The following FLRT2 variants were observed in gnomAD, a reference collection of about 807,000 sequenced individuals.
The protein encoded by FLRT2 is leucine-rich repeat transmembrane protein FLRT2.
FLRT2 carries 15 observed loss-of-function variants against 40.0 expected under a neutral mutation model. The ratio of observed to expected loss-of-function variants is 0.38; its 90% CI spans 0.25 to 0.58. The LOEUF (loss-of-function observed/expected upper bound fraction) is 0.58, where lower values mean the gene tolerates loss of function less well. Among genes scored for constraint, FLRT2 ranks in the 20% least tolerant of loss-of-function variants. The pLI, the probability that FLRT2 is intolerant of heterozygous loss-of-function variation, is 0.71. For synonymous variants in FLRT2, 380 were observed against 336.8 expected (o/e 1.13, Z -1.41); for missense variants, 726 against 840.0 (o/e 0.86, Z 1.68).
intron 1 of FLRT2, among the ~76,000 whole-genome samples, chr14:85,543,769 A>T (rs973182182): frequency 6.6e-6 from 1 of 152,048 alleles, no homozygotes; most frequent in Non-Finnish European, 1.5e-5. Context: ...ACATTATCGC[A>T]TACTCTCCAT....
intron 1 of FLRT2, among the ~76,000 whole-genome samples, chr14:85,603,306 A>G (rs1055532361): frequency 1.3e-5 from 2 of 152,164 alleles, no homozygotes; most frequent in Non-Finnish European, 2.9e-5. Flanking sequence ...GTCTATGGGA[A>G]AGAGGAAAGT....
At chr14:85,577,496 A>G (rs190142563) in intron 1 of FLRT2, among the ~76,000 whole-genome samples, 1 of 152,222 alleles carries the variant, frequency 6.6e-6, no homozygotes, top group Admixed American at 6.5e-5. Flanking sequence ...CTCCCTTTCA[A>G]GACTCTGTTT....
chr14:85,530,860 A>G (rs1888230450), intron 1 of FLRT2, among the ~76,000 whole-genome samples: 1 of 152,108 alleles, frequency 6.6e-6, no homozygotes, highest in African/African-American at 2.4e-5. Context: ...TAACCTTGTC[A>G]GAGTTCAGTC....
At chr14:85,600,121 A>C (rs1338437259) in intron 1 of FLRT2, among the ~76,000 whole-genome samples, 1 of 152,242 alleles carries the variant, frequency 6.6e-6, no homozygotes, top group Non-Finnish European at 1.5e-5. Context: ...TTGTAAAAGA[A>C]GAATTGACCT....
At chr14:85,533,205 G>T (rs962093650) in intron 1 of FLRT2, among the ~76,000 whole-genome samples, 1 of 152,134 alleles carries the variant, frequency 6.6e-6, no homozygotes, top group African/African-American at 2.4e-5. Flanking sequence ...GCGCCAGAGC[G>T]CGAGGGACGG....
chr14:85,563,821 A>C (rs921535806), intron 1 of FLRT2, among the ~76,000 whole-genome samples: 4 of 152,110 alleles, frequency 2.6e-5, no homozygotes, highest in African/African-American at 9.7e-5. Flanking sequence ...AAAATAGATA[A>C]AGTTGACTTT....
chr14:85,578,515 G>A (rs1000811398), intron 1 of FLRT2, among the ~76,000 whole-genome samples: 4 of 152,120 alleles, frequency 2.6e-5, no homozygotes, highest in Non-Finnish European at 4.4e-5. Flanking sequence ...GCTAAGTGCT[G>A]TCTCGGAGAA....
chr14:85,571,713 A>G (rs1890899438), intron 1 of FLRT2, among the ~76,000 whole-genome samples: 1 of 152,196 alleles, frequency 6.6e-6, no homozygotes, highest in Non-Finnish European at 1.5e-5. Context: ...TTTGATATCC[A>G]AAGAACACAG....
chr14:85,558,061 A>G (rs1890084225), intron 1 of FLRT2, among the ~76,000 whole-genome samples: 1 of 152,158 alleles, frequency 6.6e-6, no homozygotes. Flanking sequence ...CTTCCGCAGA[A>G]AGCATCCGTA....
At chr14:85,605,439 G>C (rs1265542653) in intron 1 of FLRT2, among the ~76,000 whole-genome samples, 3 of 152,268 alleles carry the variant, frequency 2.0e-5, no homozygotes, top group Admixed American at 6.5e-5. Context: ...AATTGGGACA[G>C]TTACTTCAGT....
intron 1 of FLRT2, among the ~76,000 whole-genome samples, chr14:85,549,779 A>G (rs185932127): frequency 6.6e-6 from 1 of 151,404 alleles, no homozygotes; most frequent in Admixed American, 6.6e-5. Flanking sequence ...CCAATGTAAA[A>G]TGATATGAAT....
Position 85,629,173 on chromosome 14 carries a change from T to C in FLRT2, c.*5676T>C, listed in dbSNP as rs1893805167. 1 of 152,184 alleles carries C rather than the reference T, an allele frequency of 6.6e-6. No homozygotes were observed. Among genetic ancestry groups the C allele is most frequent in the African/African-American group, 2.4e-5 (1 of 41,444 alleles). The allele number at this position is 152,184 out of a possible 1,614,324, so 9.4% of individuals were successfully genotyped here. On this transcript the variant is annotated 3_prime_UTR_variant, in exon 2 of 2. Transcript: ENST00000330753. ...AGTGTCTCAGAGCCTGCATAATCAC[T>C]TTATACTACTTCATTAAATTGACAG...
intron 1 of FLRT2, among the ~76,000 whole-genome samples, chr14:85,539,943 T>G (rs1566716406): frequency 1.3e-5 from 2 of 152,352 alleles, no homozygotes; most frequent in South Asian, 2.1e-4. Flanking sequence ...ATGGATTATC[T>G]CCTTTTCTGA....
At chr14:85,590,701 G>A (rs1891844299) in intron 1 of FLRT2, among the ~76,000 whole-genome samples, 1 of 152,110 alleles carries the variant, frequency 6.6e-6, no homozygotes, top group African/African-American at 2.4e-5. Flanking sequence ...CCCGGTTCAA[G>A]CAATTCTCTG....
At chr14:85,611,193 A>T (rs1433524565) in intron 1 of FLRT2, among the ~76,000 whole-genome samples, 1 of 152,134 alleles carries the variant, frequency 6.6e-6, no homozygotes, top group African/African-American at 2.4e-5. Context: ...CTTTCTAAAC[A>T]TAGCACCTTC....
At chr14:85,565,852 A>G (rs1890592391) in intron 1 of FLRT2, among the ~76,000 whole-genome samples, 1 of 152,178 alleles carries the variant, frequency 6.6e-6, no homozygotes, top group African/African-American at 2.4e-5. Flanking sequence ...ATGATAAAAT[A>G]CCCACCATGA....
rs571066414 is a variant in FLRT2 at position 85,647,336 on chromosome 14, A to G, written c.*23839A>G. The G allele has an allele frequency of 6.6e-6, 1 of 152,294 alleles. No homozygotes were observed. Among genetic ancestry groups the G allele is most frequent in the African/African-American group, 2.4e-5 (1 of 41,568 alleles). 9.4% of individuals were successfully genotyped at this position (152,294 alleles called of 1,614,324 possible). A position where few individuals can be genotyped will look rare whatever the true frequency, so the allele number is the denominator to read the frequency against. The stretch of plus-strand genomic sequence containing the variant: ...TTCTTGTTATCTGTAGCAGAATTGA[A>G]TGTTGCCCAGCAATATAATATATGT... On this transcript the variant is annotated 3_prime_UTR_variant, in exon 2 of 2. Transcript: ENST00000330753.
chr14:85,535,733 A>C (rs1475790892), intron 1 of FLRT2, among the ~76,000 whole-genome samples: 2 of 152,152 alleles, frequency 1.3e-5, no homozygotes, highest in Non-Finnish European at 2.9e-5. Flanking sequence ...CCATACTGTC[A>C]TGTTGAGTTG....
rs1244235180 is a variant in FLRT2, at chr14:85,628,776, T to A, written c.*5279T>A. On this transcript the variant is annotated 3_prime_UTR_variant, in exon 2 of 2. Coordinates refer to ENST00000330753, the MANE Select transcript of FLRT2 (RefSeq NM_013231.6). ...AAGTAATTCATATTACTTTTGGGGA[T>A]TTTATGTAAAGTAACATCTATGCTA... 2 of 152,212 alleles carry A rather than the reference T, an allele frequency of 1.3e-5. No homozygotes were observed. The highest frequency in any genetic ancestry group is 2.9e-5 in the Non-Finnish European group (2 of 68,046). The allele number at this position is 152,212 out of a possible 1,614,324, so 9.4% of individuals were successfully genotyped here.
Sources: allele counts gnomAD v4.1 joint callset (sites outside exome capture counted in the v4.1 genomes callset), GRCh38; gene constraint gnomAD v4.1.1; transcripts MANE v1.5; gene names NCBI Gene and HGNC (gene_info 2026-07-23, HGNC 2026-07-21).